Variants in MATN2 observed in about 807,000 individuals in gnomAD.
MATN2 encodes the protein matrilin-2.
A neutral mutation model predicts 103.2 loss-of-function variants in MATN2; 69 were observed. The ratio of observed to expected loss-of-function variants is 0.67; its 90% CI spans 0.55 to 0.82. MATN2 has a LOEUF of 0.82. MATN2 is among the 40% of genes least tolerant of loss of function. The pLI is 0.00. For missense variants in MATN2, 1,023 were observed against 1,211.5 expected (o/e 0.84, Z 2.31); for synonymous variants, 429 against 450.2 (o/e 0.95, Z 0.60).
intron 10 of MATN2, among the ~76,000 whole-genome samples, chr8:98,010,192 C>T (rs1246239830): frequency 6.6e-6 from 1 of 152,118 alleles, no homozygotes; most frequent in Non-Finnish European, 1.5e-5. Flanking sequence ...AGGCCTGGTG[C>T]CTTCCAGCCC....
At chr8:97,970,668 CTG>C (rs1811625994) in intron 5 of MATN2, among the ~76,000 whole-genome samples, 1 of 152,138 alleles carries the variant, frequency 6.6e-6, no homozygotes, top group Non-Finnish European at 1.5e-5. Flanking sequence ...GGGATTTAGG[CTG>C]GATGTGGTGG....
At chr8:97,874,070 A>T (rs1201260595) in intron 1 of MATN2, among the ~76,000 whole-genome samples, 1 of 152,246 alleles carries the variant, frequency 6.6e-6, no homozygotes, top group Non-Finnish European at 1.5e-5. Flanking sequence ...TCTGTGAAGC[A>T]AATCACTCTA....
intron 6 of MATN2, among the ~76,000 whole-genome samples, chr8:97,990,202 AG>A (rs367887634): frequency 1.3e-5 from 2 of 151,064 alleles, no homozygotes; most frequent in Non-Finnish European, 3.0e-5. Flanking sequence ...AAAAAAAAAA[AG>A]ACAAGCCACT....
At chr8:97,877,401 C>G (rs1217073657) in intron 1 of MATN2, among the ~76,000 whole-genome samples, 2 of 149,156 alleles carry the variant, frequency 1.3e-5, no homozygotes, top group African/African-American at 5.0e-5. Flanking sequence ...TGCTTGAACC[C>G]GGGAGGCGGA....
At chr8:97,963,707 G>A (rs1295566362) in intron 5 of MATN2, among the ~76,000 whole-genome samples, 1 of 152,122 alleles carries the variant, frequency 6.6e-6, no homozygotes, top group Non-Finnish European at 1.5e-5. Flanking sequence ...CCAAAGAGTG[G>A]GAAAATGGGA....
At chr8:97,972,581 A>G (rs565537793) in intron 5 of MATN2, among the ~76,000 whole-genome samples, 1 of 152,294 alleles carries the variant, frequency 6.6e-6, no homozygotes, top group South Asian at 2.1e-4. Flanking sequence ...AAAATATACT[A>G]TTTCTGCTAA....
At chr8:97,918,088 CA>C (rs1191771500) in intron 2 of MATN2, among the ~76,000 whole-genome samples, 2 of 151,100 alleles carry the variant, frequency 1.3e-5, no homozygotes. Context: ...GACCCAGTCT[CA>C]AAAAAAGGAA....
At chr8:97,924,896 C>T (rs1371514586) in intron 2 of MATN2, among the ~76,000 whole-genome samples, 1 of 152,030 alleles carries the variant, frequency 6.6e-6, no homozygotes, top group Admixed American at 6.6e-5. Context: ...TCATATTCAT[C>T]ATGAGTATAG....
At chr8:97,913,314 ATTTTTTT>A (rs5893435) in intron 2 of MATN2, among the ~76,000 whole-genome samples, 1 of 137,052 alleles carries the variant, frequency 7.3e-6, no homozygotes, top group Non-Finnish European at 1.6e-5. Flanking sequence ...ACAGCAATCG[ATTTTTTT>A]TTTTTTTTTT....
chr8:97,923,315 A>C (rs1809876520), intron 2 of MATN2, among the ~76,000 whole-genome samples: 1 of 152,004 alleles, frequency 6.6e-6, no homozygotes, highest in African/African-American at 2.4e-5. Flanking sequence ...ATCATGCTTC[A>C]TAGTGTTTTG....
chr8:97,877,161 C>T (rs1818104078), intron 1 of MATN2, among the ~76,000 whole-genome samples: 1 of 151,398 alleles, frequency 6.6e-6, no homozygotes, highest in Non-Finnish European at 1.5e-5. Flanking sequence ...TGTGTACCAC[C>T]ATGCTCAGCT....
intron 5 of MATN2, 71 bp downstream of exon 5, chr8:97,961,601 C>T (rs868182662): frequency 1.1e-5 from 16 of 1,431,134 alleles, no homozygotes; most frequent in South Asian, 1.5e-5. Context: ...GGGAGACTCA[C>T]GTGTACCTCC....
At chr8:97,886,860 A>G (rs1433649769) in intron 1 of MATN2, among the ~76,000 whole-genome samples, 6 of 151,048 alleles carry the variant, frequency 4.0e-5, no homozygotes, top group South Asian at 2.1e-4. Flanking sequence ...TAATCAATGC[A>G]TTGGAAAATT....
At chr8:98,020,241 G>A (rs1264987072) in intron 12 of MATN2, among the ~76,000 whole-genome samples, 1 of 152,176 alleles carries the variant, frequency 6.6e-6, no homozygotes, top group African/African-American at 2.4e-5. Context: ...CACCTCCTGG[G>A]CTCAAGCGAT....
intron 4 of MATN2, among the ~76,000 whole-genome samples, chr8:97,944,514 C>G (rs1464379882): frequency 6.6e-6 from 1 of 152,196 alleles, no homozygotes; most frequent in Non-Finnish European, 1.5e-5. Flanking sequence ...AGAACAAGGC[C>G]TTCACTGTCT....
intron 2 of MATN2, among the ~76,000 whole-genome samples, chr8:97,917,134 C>G (rs969376060): frequency 6.6e-6 from 1 of 152,138 alleles, no homozygotes; most frequent in Non-Finnish European, 1.5e-5. Context: ...AAGATGCACA[C>G]CCATTCCCCA....
intron 2 of MATN2, among the ~76,000 whole-genome samples, chr8:97,896,460 G>C (rs1277142751): frequency 1.3e-5 from 2 of 152,240 alleles, no homozygotes; most frequent in Admixed American, 6.5e-5. Flanking sequence ...TGAGACACAG[G>C]GTGGTCAGTA....
intron 7 of MATN2, 109 bp from the exon 8 acceptor site, chr8:98,003,552 C>T: frequency 7.8e-7 from 1 of 1,273,898 alleles, no homozygotes; most frequent in South Asian, 1.3e-5. Context: ...CCTCAGCAGG[C>T]AGCACCCACC....
chr8:97,921,258 G>A (rs562689257), intron 2 of MATN2, among the ~76,000 whole-genome samples: 90 of 152,318 alleles, frequency 5.9e-4, no homozygotes, highest in African/African-American at 2.0e-3. Flanking sequence ...GAAATGATTT[G>A]CTAATGAGTT....
Sources: gnomAD v4.1 joint callset for allele counts (sites outside exome capture counted in the v4.1 genomes callset) on GRCh38, gnomAD v4.1.1 for gene constraint, MANE v1.5 for transcripts, NCBI Gene and HGNC (gene_info 2026-07-23, HGNC 2026-07-21) for gene names.